PARD3: variants seen among roughly 807,000 people sequenced by gnomAD.
PARD3 encodes the protein par-3 family cell polarity regulator.
A neutral mutation model predicts 155.4 loss-of-function variants in PARD3; 75 were observed. That is an observed-to-expected ratio of 0.48 (90% confidence interval 0.40 to 0.58). The LOEUF is 0.58. Among genes scored for constraint, PARD3 ranks in the 20% least tolerant of loss-of-function variants. The pLI is 0.00. For synonymous variants in PARD3, 576 were observed against 610.5 expected (o/e 0.94, Z 0.83); for missense variants, 1,642 against 1,721.7 (o/e 0.95, Z 0.82).
At chr10:34,171,452 A>C (rs1049670603) in intron 22 of PARD3, among the ~76,000 whole-genome samples, 6 of 152,180 alleles carry the variant, frequency 3.9e-5, no homozygotes, top group Non-Finnish European at 5.9e-5. Flanking sequence ...CCACAAAGTG[A>C]TATTAATTTA....
At chr10:34,174,714 T>C (rs1291969711) in intron 22 of PARD3, among the ~76,000 whole-genome samples, 1 of 152,200 alleles carries the variant, frequency 6.6e-6, no homozygotes, top group East Asian at 1.9e-4. Flanking sequence ...CAGAGGTGCC[T>C]CAATATTCTC....
intron 19 of PARD3, among the ~76,000 whole-genome samples, 178 bp downstream of exon 19, chr10:34,330,939 A>G (rs558935847): frequency 6.6e-6 from 1 of 152,292 alleles, no homozygotes; most frequent in Admixed American, 6.5e-5. Flanking sequence ...TATACTTATA[A>G]GAGAATGTGA....
intron 1 of PARD3, among the ~76,000 whole-genome samples, chr10:34,777,261 A>G (rs1374807432): frequency 1.3e-5 from 2 of 152,006 alleles, no homozygotes; most frequent in Non-Finnish European, 2.9e-5. Flanking sequence ...CAGTCCTTCA[A>G]GCCCCTTCCC....
At chr10:34,476,800 G>A (rs972037462) in intron 3 of PARD3, among the ~76,000 whole-genome samples, 18 of 152,180 alleles carry the variant, frequency 1.2e-4, no homozygotes, top group African/African-American at 4.3e-4. Context: ...CTCCCAACAG[G>A]TCAAAGTACG....
intron 2 of PARD3, among the ~76,000 whole-genome samples, chr10:34,545,778 G>A (rs990885890): frequency 6.8e-4 from 103 of 152,200 alleles, no homozygotes; most frequent in African/African-American, 2.4e-3. Context: ...GACTGGTCTC[G>A]AACTTCTGAC....
chr10:34,769,243 C>T (rs951930342), intron 1 of PARD3, among the ~76,000 whole-genome samples: 5 of 152,126 alleles, frequency 3.3e-5, no homozygotes, highest in Non-Finnish European at 5.9e-5. Context: ...ACCACCGGTA[C>T]GGCGACCACC....
chr10:34,366,504 T>C (rs1235488999), intron 12 of PARD3, among the ~76,000 whole-genome samples: 1 of 152,094 alleles, frequency 6.6e-6, no homozygotes, highest in African/African-American at 2.4e-5. Context: ...GGCTGTTGCT[T>C]GGGACAAAGA....
intron 2 of PARD3, among the ~76,000 whole-genome samples, chr10:34,592,145 C>G (rs1017315723): frequency 1.3e-5 from 2 of 152,202 alleles, no homozygotes; most frequent in African/African-American, 2.4e-5. Flanking sequence ...TAATTCAAGC[C>G]TCCACAACAT....
chr10:34,318,919 C>T (rs184933555), intron 19 of PARD3, among the ~76,000 whole-genome samples: 1,596 of 151,684 alleles, frequency 0.011, 12 homozygotes, highest in Non-Finnish European at 0.012. Context: ...GCGCCCACCA[C>T]CACGCCCAGC....
At chr10:34,688,166 T>G (rs2093984139) in intron 2 of PARD3, among the ~76,000 whole-genome samples, 1 of 152,164 alleles carries the variant, frequency 6.6e-6, no homozygotes, top group African/African-American at 2.4e-5. Flanking sequence ...AAATCTTTGT[T>G]TACGCCCCTT....
At chr10:34,561,738 G>C (rs1158441599) in intron 2 of PARD3, among the ~76,000 whole-genome samples, 1 of 151,418 alleles carries the variant, frequency 6.6e-6, no homozygotes, top group South Asian at 2.1e-4. Flanking sequence ...GGCTGGTCTC[G>C]AACTCCCAAT....
chr10:34,186,880 C>T (rs749902856), intron 22 of PARD3, among the ~76,000 whole-genome samples: 20 of 152,290 alleles, frequency 1.3e-4, no homozygotes, highest in Non-Finnish European at 2.6e-4. Context: ...AGCAGGGCTT[C>T]ATTTTTCTTG....
intron 2 of PARD3, among the ~76,000 whole-genome samples, chr10:34,558,487 C>G (rs945800541): frequency 6.6e-6 from 1 of 152,210 alleles, no homozygotes; most frequent in African/African-American, 2.4e-5. Flanking sequence ...TATCTCCTTT[C>G]TGACAGCCCC....
chr10:34,686,436 T>TAA (rs71033335), intron 2 of PARD3, among the ~76,000 whole-genome samples: 1 of 147,080 alleles, frequency 6.8e-6, no homozygotes, highest in African/African-American at 2.5e-5. Flanking sequence ...AGAACTCCCT[T>TAA]AAAAAAAAAA....
intron 22 of PARD3, among the ~76,000 whole-genome samples, chr10:34,143,438 C>A (rs936220518): frequency 6.6e-6 from 1 of 152,152 alleles, no homozygotes; most frequent in African/African-American, 2.4e-5. Flanking sequence ...AAGGTTTTAT[C>A]ATTCAGGCAT....
At chr10:34,475,831 G>C (rs2078670371) in intron 3 of PARD3, among the ~76,000 whole-genome samples, 1 of 151,854 alleles carries the variant, frequency 6.6e-6, no homozygotes, top group Non-Finnish European at 1.5e-5. Flanking sequence ...CCCATTTTTT[G>C]CCTTACAGTG....
At chr10:34,355,942 A>ACAAAAC (rs1489739714) in intron 14 of PARD3, among the ~76,000 whole-genome samples, 3 of 129,654 alleles carry the variant, frequency 2.3e-5, no homozygotes, top group East Asian at 4.2e-4. Flanking sequence ...AAAAAAAAAA[A>ACAAAAC]AAAACAAAAC....
rs113231304 is a variant in PARD3 at position 34,629,561 on chromosome 10, C to T, written c.222+66757G>A. Among the ~76,000 whole-genome samples the T allele has an allele frequency of 6.2e-3, 937 of 152,340 alleles. 12 individuals carry two copies. The highest frequency in any genetic ancestry group is 0.022 in the African/African-American group (914 of 41,582). On this transcript the variant is annotated intron_variant, in intron 2 of 24. Coordinates refer to ENST00000374788, the MANE Select transcript of PARD3 (RefSeq NM_001184785.2). ...AAACTCAAGAAAGATCACTTCCAAT[C>T]TGCTAGACGAAAACCTACAAAGAGG... is the stretch of plus-strand genomic sequence containing the variant.
intron 1 of PARD3, among the ~76,000 whole-genome samples, chr10:34,808,088 T>G (rs1037087940): frequency 3.3e-5 from 5 of 152,158 alleles, no homozygotes; most frequent in African/African-American, 1.2e-4. Flanking sequence ...CCAAGGCAGG[T>G]GGATTGCTTG....
Sources: allele counts gnomAD v4.1 joint callset (sites outside exome capture counted in the v4.1 genomes callset), GRCh38; gene constraint gnomAD v4.1.1; transcripts MANE v1.5; gene names NCBI Gene and HGNC (gene_info 2026-07-23, HGNC 2026-07-21).